SYNE2: variants seen among roughly 807,000 people sequenced by gnomAD.
The protein encoded by SYNE2 is nesprin-2.
In SYNE2, 431 loss-of-function variants were observed where a neutral mutation model predicts 856.3. The observed-to-expected ratio is 0.50, with a 90% CI of 0.47 to 0.55. The LOEUF (loss-of-function observed/expected upper bound fraction) is 0.55. SYNE2 is among the 20% of genes least tolerant of loss of function. The probability of loss-of-function intolerance (pLI) is 0.00; values close to 1 mark genes in which losing one functional copy is unlikely to be tolerated. For synonymous variants in SYNE2, 2,923 were observed against 2,872.3 expected, an observed-to-expected ratio of 1.02 and a Z score of -0.56; for missense variants, 8,129 against 8,023.2, an observed-to-expected ratio of 1.01 and a Z score of -0.50.
intron 48 of SYNE2, among the ~76,000 whole-genome samples, chr14:64,054,248 T>A (rs777460586): frequency 7.2e-4 from 109 of 152,100 alleles, no homozygotes; most frequent in Non-Finnish European, 1.2e-3. Context: ...AGAACATTTT[T>A]AAAAATTTGT....
chr14:64,163,818 C>G (rs2098349000), intron 89 of SYNE2, among the ~76,000 whole-genome samples: 1 of 152,286 alleles, frequency 6.6e-6, no homozygotes, highest in African/African-American at 2.4e-5. Context: ...ATATTGCATA[C>G]ATTGTTCAGA....
intron 1 of SYNE2, among the ~76,000 whole-genome samples, chr14:63,778,778 G>A (rs35028833): frequency 0.062 from 9,396 of 152,026 alleles, 316 homozygotes; most frequent in Admixed American, 0.1. Context: ...GCCTCCCAAA[G>A]TGCCAAAATT....
chr14:64,170,227 G>T lies in SYNE2; in HGVS notation c.17001-1G>T, dbSNP rs776067546. 6.2e-7 allele frequency: 1 copy of T among 1,613,446 alleles called. No individual in the cohort carries two copies. The highest frequency in any genetic ancestry group is 8.5e-7 in the Non-Finnish European group (1 of 1,179,926). On this transcript the variant is annotated splice_acceptor_variant, in intron 93 of 115. Coordinates refer to ENST00000555002, the MANE Select transcript of SYNE2 (RefSeq NM_182914.3). LOFTEE classifies it high-confidence loss of function. The stretch of plus-strand genomic sequence containing the variant: ...TTCTATAACCATTTGTTTTTCCCCA[G>T]ACCAGAATTTATTACAGAATTCTCA...
intron 1 of SYNE2, among the ~76,000 whole-genome samples, chr14:63,904,004 C>T (rs1202526536): frequency 6.6e-6 from 1 of 152,110 alleles, no homozygotes; most frequent in Non-Finnish European, 1.5e-5. Flanking sequence ...TCTGCAGTGT[C>T]TTTTGTTCCC....
intron 1 of SYNE2, among the ~76,000 whole-genome samples, chr14:63,882,586 G>T (rs1006666052): frequency 6.6e-6 from 1 of 151,908 alleles, no homozygotes. Context: ...TTAGCTGGGT[G>T]TGGTGTCACA....
At chr14:64,136,676 C>T (rs1308959790) in intron 78 of SYNE2, among the ~76,000 whole-genome samples, 1 of 152,052 alleles carries the variant, frequency 6.6e-6, no homozygotes, top group East Asian at 1.9e-4. Flanking sequence ...ATTAATGATA[C>T]GCTGTTTTAA....
chr14:63,827,425 G>T (rs1399288730), intron 1 of SYNE2, among the ~76,000 whole-genome samples: 1 of 151,622 alleles, frequency 6.6e-6, no homozygotes, highest in Non-Finnish European at 1.5e-5. Flanking sequence ...GGGAGTTCGA[G>T]ACCAGCCTAA....
In SYNE2 at chr14:64,186,424, G is replaced by A. The variant is rs1158170304; in HGVS notation, c.17557G>A (p.Glu5853Lys). Residue 5853 changes from glutamate to lysine, a missense_variant and splice_region_variant, in exon 97 of 116, where the codon GAA (glutamate) becomes AAA (lysine). This residue lies in a region of SYNE2 where 5,410 missense variants were observed against 5,284.8 expected (regional missense o/e 1.02). Transcript: ENST00000555002. ...DLHNEKELIK[E>K]LEQSLASWTQ... ...ACCCCCTTCTTGTGATTAAATGCAG[G>A]AACTAGAACAGTCTTTGGCTAGCTG... The A allele has an allele frequency of 1.2e-6, 2 of 1,614,028 alleles. No individual in the cohort carries two copies. Among genetic ancestry groups the A allele is most frequent in the Admixed American group, 3.3e-5 (2 of 60,004 alleles).
chr14:63,986,489 T>C lies in SYNE2; in HGVS notation c.2185T>C (p.Phe729Leu), dbSNP rs775914600. 1.4e-5 allele frequency: 23 copies of C among 1,614,140 alleles called. No homozygotes were observed. Among genetic ancestry groups the C allele is most frequent in the Non-Finnish European group, 1.9e-5 (22 of 1,180,024 alleles). ...GEKHEKENEE[F>L]TGQLKVAKDV... ...GAAACATGAAAAAGAAAATGAAGAA[T>C]TCACAGGGCAACTAAAAGTGGCTAA... The change falls in exon 19 of 116, where the codon TTC (phenylalanine) becomes CTC (leucine). Residue 729 changes from phenylalanine (F) to leucine (L), a missense_variant. Around this residue, in one of 3 missense-constraint regions of SYNE2, gnomAD observed 2,422 missense variants for 2,357.4 expected, o/e 1.03. Transcript: ENST00000555002.
intron 8 of SYNE2, among the ~76,000 whole-genome samples, chr14:63,958,541 C>T (rs979664841): frequency 6.6e-6 from 1 of 152,112 alleles, no homozygotes; most frequent in Non-Finnish European, 1.5e-5. Context: ...TATATATTGT[C>T]AACATGATTT....
In SYNE2 at chr14:64,190,682, A is replaced by C. The variant is rs2098514031; in HGVS notation, c.18038+445A>C. On this transcript the variant is annotated intron_variant, in intron 99 of 115. Transcript: ENST00000555002. ...CTGCCCCACTACTTGCACTCAAGGC[A>C]GGGGCAGGAGTCTACTCTTAAAGTG... 3 of 693,902 alleles carry C rather than the reference A, an allele frequency of 4.3e-6. No individual in the cohort carries two copies. The East Asian group carries it at 8.0e-5, about 19-fold the overall frequency. 43.0% of individuals were successfully genotyped at this position (693,902 alleles called of 1,614,324 possible).
intron 1 of SYNE2, among the ~76,000 whole-genome samples, chr14:63,805,892 G>C (rs537806622): frequency 2.6e-5 from 4 of 152,296 alleles, no homozygotes; most frequent in Non-Finnish European, 5.9e-5. Flanking sequence ...AGAGGCCATG[G>C]GGTTTTCTAA....
In SYNE2 at chr14:64,165,359, G is replaced by C. The variant is rs750524738; in HGVS notation, c.16554G>C (p.Glu5518Asp). The change falls in exon 90 of 116, where the codon GAG becomes GAC. Residue 5518 changes from glutamate to aspartate, a missense_variant. Transcript: ENST00000555002. ...AAGGTCTTATTATGCATGAAGAAGA[G>C]AATTTGGATAGACTTCACCAACAGG... ...SLKGLIMHEE[E>D]NLDRLHQQEK... The C allele has an allele frequency of 6.2e-7, 1 of 1,613,906 alleles. No homozygotes were observed. Among genetic ancestry groups the C allele is most frequent in the Non-Finnish European group, 8.5e-7 (1 of 1,179,888 alleles).
At chr14:63,871,537 A>G (rs1334293536) in intron 1 of SYNE2, among the ~76,000 whole-genome samples, 3 of 151,644 alleles carry the variant, frequency 2.0e-5, no homozygotes, top group African/African-American at 4.8e-5. Flanking sequence ...AAATTCCACT[A>G]GAACAAGTAT....
chr14:64,121,086 A>G, intron 68 of SYNE2, 25 bp downstream of exon 68: 5 of 1,613,516 alleles, frequency 3.1e-6, no homozygotes, highest in Non-Finnish European at 2.5e-6. Context: ...CAACAGTTGT[A>G]GGGACTAGAA....
chr14:63,952,299 A>C (rs574127258), intron 7 of SYNE2, among the ~76,000 whole-genome samples: 1 of 152,208 alleles, frequency 6.6e-6, no homozygotes, highest in Non-Finnish European at 1.5e-5. Flanking sequence ...TCAACACTCA[A>C]GGTGCTGAGG....
At position 64,208,848 on chromosome 14, in the gene SYNE2, G is replaced by A. The variant is rs200563802; in HGVS notation, c.18292G>A (p.Ala6098Thr). Residue 6098 changes from alanine to threonine, a missense_variant, in exon 101 of 116, where the codon GCA (alanine) becomes ACA (threonine). This residue lies in a region of SYNE2 where 5,410 missense variants were observed against 5,284.8 expected (regional missense o/e 1.02). Transcript: ENST00000555002. ...DVLLHDSDAC[A>T]NETECDSIQQ... ...CCTACTGCACGACTCCGATGCCTGT[G>A]CAAATGAGACCGAGTGTGACTCGAT... 11 of 1,614,232 alleles carry A rather than the reference G, an allele frequency of 6.8e-6. No homozygotes were observed. Among genetic ancestry groups the A allele is most frequent in the Non-Finnish European group, 7.6e-6 (9 of 1,180,040 alleles).
chr14:64,104,531 C>G (rs186713769), intron 64 of SYNE2, among the ~76,000 whole-genome samples: 3 of 150,262 alleles, frequency 2.0e-5, no homozygotes, highest in Admixed American at 6.7e-5. Context: ...CTCACTGCAA[C>G]CTCTGCCTCC....
chr14:63,886,237 A>G (rs1275513835), intron 1 of SYNE2, among the ~76,000 whole-genome samples: 1 of 152,192 alleles, frequency 6.6e-6, no homozygotes, highest in Non-Finnish European at 1.5e-5. Flanking sequence ...TCTGATTACT[A>G]TTCTTGGCCC....
Sources: allele counts gnomAD v4.1 joint callset (sites outside exome capture counted in the v4.1 genomes callset), GRCh38; gene constraint gnomAD v4.1.1; regional missense constraint gnomAD v4.1.1; transcripts MANE v1.5; gene names NCBI Gene and HGNC (gene_info 2026-07-23, HGNC 2026-07-21).